LY9: variants seen among roughly 807,000 people sequenced by gnomAD.
LY9 encodes T-lymphocyte surface antigen Ly-9.
In LY9, 59 loss-of-function variants were observed where a neutral mutation model predicts 64.6. The ratio of observed to expected loss-of-function variants is 0.91; its 90% confidence interval spans 0.74 to 1.13. The LOEUF (loss-of-function observed/expected upper bound fraction) is 1.13. LY9 is among the 50% of genes most tolerant of loss of function. The pLI, the probability that LY9 is intolerant of heterozygous loss-of-function variation, is 0.00. For synonymous variants in LY9, 281 were observed against 308.5 expected, an observed-to-expected ratio of 0.91 and a Z score of 0.93; for missense variants, 789 against 797.2, an observed-to-expected ratio of 0.99 and a Z score of 0.12.
chr1:160,805,106 G>A (rs946224683), intron 2 of LY9, among the ~76,000 whole-genome samples: 6 of 151,634 alleles, frequency 4.0e-5, no homozygotes, highest in Non-Finnish European at 7.4e-5. Context: ...ATCGAGTTTT[G>A]CTCTGATATT....
intron 2 of LY9, among the ~76,000 whole-genome samples, chr1:160,804,880 T>A (rs1016023349): frequency 1.1e-4 from 17 of 152,168 alleles, no homozygotes; most frequent in African/African-American, 4.1e-4. Context: ...CAGAGTATAG[T>A]TGTTCATAAT....
chr1:160,800,338 A>C (rs1264049169), intron 2 of LY9: 1 of 388,770 alleles, frequency 2.6e-6, no homozygotes, highest in South Asian at 3.5e-5. Context: ...TCATCCCCCC[A>C]CCACCCACTC....
chr1:160,808,926 C>T (rs997107123), intron 2 of LY9, among the ~76,000 whole-genome samples: 1 of 152,096 alleles, frequency 6.6e-6, no homozygotes. Flanking sequence ...ATTCCATATA[C>T]ACAGATGTCA....
At position 160,816,685 on chromosome 1, in the gene LY9, GGGAAACACTGT is replaced by G. The variant is rs1667978056; in HGVS notation, c.1165_1175del (p.Gly389HisfsTer28). On this transcript the variant is annotated frameshift_variant, in exon 5 of 10. Transcript: ENST00000263285. LOFTEE classifies it high-confidence loss of function. ...GCCTGACCTGCTCCGTGGAGGACGG[GGGAAACACTGT>G]CATGTACACATGGACCCCGCTGCAG... The G allele has an allele frequency of 1.9e-6, 3 of 1,614,044 alleles. No homozygotes were observed. The highest frequency in any genetic ancestry group is 1.3e-5 in the African/African-American group (1 of 74,906).
At chr1:160,801,737 A>G in intron 2 of LY9, 1 of 1,374,128 alleles carries the variant, frequency 7.3e-7, no homozygotes, top group Non-Finnish European at 1.0e-6. Context: ...TTATATGATG[A>G]GAAATAGGGG....
intron 3 of LY9, 53 bp downstream of exon 3, chr1:160,813,964 C>A: frequency 6.4e-7 from 1 of 1,563,976 alleles, no homozygotes; most frequent in Non-Finnish European, 8.7e-7. Context: ...ATATGAGCAG[C>A]TGTGGAGTCT....
At chr1:160,811,960 G>T (rs1163035330) in intron 2 of LY9, 2 of 152,092 alleles carry the variant, frequency 1.3e-5, no homozygotes. Context: ...CCATTCCAAA[G>T]CCACTTCACA....
intron 2 of LY9, chr1:160,812,782 C>G (rs2101793542): frequency 6.6e-6 from 1 of 152,200 alleles, no homozygotes; most frequent in East Asian, 1.9e-4. Context: ...AATGTATTAC[C>G]TATTCAAAAG....
intron 6 of LY9, among the ~76,000 whole-genome samples, 199 bp downstream of exon 6, chr1:160,818,518 GA>G (rs911737044): frequency 6.0e-5 from 9 of 150,800 alleles, no homozygotes; most frequent in African/African-American, 9.7e-5. Context: ...GGCTTAGACA[GA>G]AAAAAAAAGG....
intron 6 of LY9, among the ~76,000 whole-genome samples, chr1:160,818,711 G>A (rs544639946): frequency 2.0e-4 from 31 of 152,106 alleles, no homozygotes; most frequent in Non-Finnish European, 7.3e-5. Flanking sequence ...ACTGCAGCCC[G>A]CTGAGGGAAG....
At chr1:160,824,660 C>CAGT in intron 9 of LY9, 1 of 982,380 alleles carries the variant, frequency 1.0e-6, no homozygotes, top group Non-Finnish European at 1.2e-6. Flanking sequence ...CCACCACCTA[C>CAGT]AGTACATTAG....
chr1:160,800,438 G>A (rs1666346800), intron 2 of LY9, among the ~76,000 whole-genome samples: 2 of 152,090 alleles, frequency 1.3e-5, no homozygotes, highest in South Asian at 4.1e-4. Context: ...ATATAAGTGA[G>A]AACATGCGAT....
At chr1:160,810,725 A>C (rs1667408370) in intron 2 of LY9, 1 of 152,236 alleles carries the variant, frequency 6.6e-6, no homozygotes, top group Non-Finnish European at 1.5e-5. Context: ...GTTTTAACCC[A>C]TTCCAGCATC....
In LY9 at chr1:160,827,937, GC is replaced by G; in HGVS notation, c.*123del. On this transcript the variant is annotated 3_prime_UTR_variant, in exon 10 of 10. Transcript: ENST00000263285. ...GAATTTCCTTCAGTGCCTCAGAGATGCCTGGATGTGGCCCCTCCCCCTCCTT... is the reference window on the plus strand; with the variant it reads ...GAATTTCCTTCAGTGCCTCAGAGATGCTGGATGTGGCCCCTCCCCCTCCTT... 1 of 714,754 alleles carries G rather than the reference GC, an allele frequency of 1.4e-6. No individual in the cohort carries two copies. The highest frequency in any genetic ancestry group is 2.7e-5 in the East Asian group (1 of 37,572). 44.3% of individuals were successfully genotyped at this position (714,754 alleles called of 1,614,324 possible).
At chr1:160,813,579 A>G in intron 2 of LY9, 57 bp from the exon 3 acceptor site, 2 of 1,558,626 alleles carry the variant, frequency 1.3e-6, no homozygotes, top group Non-Finnish European at 1.7e-6. Context: ...TTCTTCTCTC[A>G]GCGCTTTCCT....
intron 9 of LY9, among the ~76,000 whole-genome samples, chr1:160,824,923 T>A (rs1473606780): frequency 7.2e-6 from 1 of 139,430 alleles, no homozygotes; most frequent in Non-Finnish European, 1.5e-5. Flanking sequence ...GAGCTTACAG[T>A]GAGCCAAGTT....
At chr1:160,815,536 G>A (rs912903622) in intron 4 of LY9, among the ~76,000 whole-genome samples, 10 of 152,160 alleles carry the variant, frequency 6.6e-5, no homozygotes, top group Non-Finnish European at 1.0e-4. Flanking sequence ...ACAGGCACAC[G>A]CCACCACAAC....
chr1:160,824,516 A>G, intron 9 of LY9: 1 of 985,232 alleles, frequency 1.0e-6, no homozygotes, highest in Non-Finnish European at 1.2e-6. Context: ...CAGCTTATAC[A>G]CTCAAACAAG....
At chr1:160,826,601 G>A (rs182806510) in intron 9 of LY9, among the ~76,000 whole-genome samples, 141 of 152,322 alleles carry the variant, frequency 9.3e-4, no homozygotes, top group African/African-American at 3.4e-3. Context: ...GTTCCTAAGG[G>A]TTTTTCAGAA....
Sources: allele counts gnomAD v4.1 joint callset (sites outside exome capture counted in the v4.1 genomes callset), GRCh38; gene constraint gnomAD v4.1.1; transcripts MANE v1.5; gene names NCBI Gene and HGNC (gene_info 2026-07-23, HGNC 2026-07-21).